WDR20: variants seen among roughly 807,000 people sequenced by gnomAD.
WDR20 encodes WD repeat domain 20, also known as WD repeat-containing protein 20.
In WDR20, 3 loss-of-function variants were observed where a neutral mutation model predicts 38.7. The observed-to-expected ratio is 0.08, with a 90% confidence interval of 0.04 to 0.20. The LOEUF (loss-of-function observed/expected upper bound fraction) is 0.20, where lower values mean the gene tolerates loss of function less well. WDR20 is among the 10% of genes least tolerant of loss of function. The pLI, the probability that WDR20 is intolerant of heterozygous loss-of-function variation, is 1.00. For missense variants in WDR20, 559 were observed against 727.7 expected, an observed-to-expected ratio of 0.77 and a Z score of 2.67; for synonymous variants, 298 against 285.6, an observed-to-expected ratio of 1.04 and a Z score of -0.44.
chr14:102,188,605 C>T (rs2065473034), intron 1 of WDR20, among the ~76,000 whole-genome samples: 1 of 152,036 alleles, frequency 6.6e-6, no homozygotes, highest in Non-Finnish European at 1.5e-5. Flanking sequence ...TGGTGACTTA[C>T]ATCTGTAATC....
chr14:102,200,209 GTC>G (rs900572757), intron 2 of WDR20, among the ~76,000 whole-genome samples: 26 of 152,340 alleles, frequency 1.7e-4, no homozygotes, highest in African/African-American at 6.3e-4. Flanking sequence ...GCTCCCTGGA[GTC>G]TCTGCTTTCC....
chr14:102,212,735 G>A (rs2062716952), downstream of WDR20: 4 of 1,425,286 alleles, frequency 2.8e-6, no homozygotes, highest in Non-Finnish European at 2.8e-6. Flanking sequence ...TGTGTAAGGT[G>A]CAATGCGTGC....
At chr14:102,218,112 A>ATTT (rs2063445869), downstream of WDR20, among the ~76,000 whole-genome samples, 3 of 152,332 alleles carry the variant, frequency 2.0e-5, no homozygotes, top group East Asian at 5.8e-4. Context: ...CGATCTCAGG[A>ATTT]GAGAAGCGCT....
At chr14:102,187,726 C>T (rs2065223336) in intron 1 of WDR20, among the ~76,000 whole-genome samples, 1 of 152,116 alleles carries the variant, frequency 6.6e-6, no homozygotes, top group African/African-American at 2.4e-5. Flanking sequence ...AGGAGACTGG[C>T]ACAGAGCTAG....
chr14:102,186,305 G>A (rs192446150), intron 1 of WDR20, among the ~76,000 whole-genome samples: 67 of 152,342 alleles, frequency 4.4e-4, no homozygotes, highest in African/African-American at 1.4e-3. Context: ...ATTGGCATCT[G>A]TGTGGTGCTG....
intron 2 of WDR20, among the ~76,000 whole-genome samples, chr14:102,206,239 G>A (rs1021764228): frequency 3.9e-5 from 6 of 152,094 alleles, no homozygotes; most frequent in African/African-American, 1.2e-4. Flanking sequence ...CACCCTCCTC[G>A]GCCTCCCAAA....
chr14:102,179,190 T>C (rs1462741577), intron 1 of WDR20, among the ~76,000 whole-genome samples: 4 of 152,088 alleles, frequency 2.6e-5, no homozygotes, highest in African/African-American at 9.7e-5. Flanking sequence ...CAGCAACCTT[T>C]CAGCTTTTTA....
At chr14:102,196,974 C>A (rs533231385) in intron 2 of WDR20, among the ~76,000 whole-genome samples, 6 of 152,246 alleles carry the variant, frequency 3.9e-5, no homozygotes, top group African/African-American at 1.4e-4. Context: ...AGATTTTGGT[C>A]AGAATGTCTA....
At chr14:102,175,159 A>G (rs1338850614) in intron 1 of WDR20, among the ~76,000 whole-genome samples, 1 of 152,176 alleles carries the variant, frequency 6.6e-6, no homozygotes, top group Non-Finnish European at 1.5e-5. Context: ...TTCCGGTATT[A>G]TCTTCTAGAA....
chr14:102,200,225 A>G lies in WDR20; in HGVS notation c.432+5105A>G, dbSNP rs74911824. On this transcript the variant is annotated intron_variant, in intron 2 of 2. Coordinates refer to ENST00000342702, the MANE Select transcript of WDR20 (RefSeq NM_144574.4). Reference sequence around the variant, plus strand: ...CTCCCTGGAGTCTCTGCTTTCCCCAATCTTCCAGAGTAGATTTTGGGTTTC... The same window carrying G: ...CTCCCTGGAGTCTCTGCTTTCCCCAGTCTTCCAGAGTAGATTTTGGGTTTC... Among the ~76,000 whole-genome samples the G allele has an allele frequency of 4.9e-3, 741 of 152,260 alleles. 7 individuals are homozygous for G. Among genetic ancestry groups the G allele is most frequent in the African/African-American group, 0.016 (669 of 41,560 alleles).
intron 1 of WDR20, among the ~76,000 whole-genome samples, chr14:102,181,691 A>G (rs1213100919): frequency 6.6e-6 from 1 of 152,152 alleles, no homozygotes; most frequent in Non-Finnish European, 1.5e-5. Context: ...TTAAGCTAGT[A>G]GTTGCAAAAT....
intron 1 of WDR20, among the ~76,000 whole-genome samples, chr14:102,178,107 T>C (rs1299712531): frequency 6.6e-6 from 1 of 152,134 alleles, no homozygotes; most frequent in Non-Finnish European, 1.5e-5. Context: ...TGAATTGTTA[T>C]GTGGCTAGGT....
chr14:102,223,551 A>C (rs554073350), exon 4 of WDR20: 3 of 152,362 alleles, frequency 2.0e-5, no homozygotes, highest in South Asian at 4.1e-4. Context: ...TCAACTCTGT[A>C]TTATATGTAT....
chr14:102,206,581 T>C (rs1437998890), intron 2 of WDR20, among the ~76,000 whole-genome samples: 1 of 152,178 alleles, frequency 6.6e-6, no homozygotes, highest in Non-Finnish European at 1.5e-5. Context: ...TGGGATTTGA[T>C]TTGGTTCTGG....
rs751104081 is a variant in WDR20, at chr14:102,209,919, T to C, written c.*39T>C. 1.3e-6 allele frequency: 2 copies of C among 1,540,274 alleles called. No individual in the cohort carries two copies. Among genetic ancestry groups the C allele is most frequent in the South Asian group, 1.3e-5 (1 of 79,616 alleles). On this transcript the variant is annotated 3_prime_UTR_variant, in exon 3 of 3. Transcript: ENST00000342702. The surrounding 1 kb of genome is among the most constrained non-coding windows in gnomAD (Gnocchi z 6.0). ...CTAGAACTTGAATAGGTAGTGACTT[T>C]TTTCTTTTTCGTGGGAGGGGTGGGG... is the stretch of plus-strand genomic sequence containing the variant.
Position 102,148,669 on chromosome 14 carries a change from TTGTGTGTGTGTG to T in WDR20, c.249+8525_249+8536del, listed in dbSNP as rs10525828. On this transcript the variant is annotated intron_variant, in intron 1 of 2. Coordinates refer to ENST00000342702, the MANE Select transcript of WDR20 (RefSeq NM_144574.4). ...ACTCCTGTCTTTAAAGAGTTTGGCT[TTGTGTGTGTGTG>T]TGTGTGTGTGTGTGTGTGTGTGTGT... Among the ~76,000 whole-genome samples, 442 of 144,766 alleles carry T rather than the reference TTGTGTGTGTGTG, an allele frequency of 3.1e-3. 3 individuals are homozygous for T. The highest frequency in any genetic ancestry group is 6.7e-3 in the South Asian group (30 of 4,492). 95.0% of individuals were successfully genotyped at this position (144,766 alleles called of 152,430 possible).
chr14:102,185,190 A>T (rs2064330300), intron 1 of WDR20, among the ~76,000 whole-genome samples: 1 of 152,208 alleles, frequency 6.6e-6, no homozygotes, highest in South Asian at 2.1e-4. Context: ...AGAATTTTCA[A>T]AGCCCATATG....
downstream of WDR20, chr14:102,224,479 A>T (rs1405276918): frequency 3.4e-5 from 14 of 411,654 alleles, no homozygotes; most frequent in Non-Finnish European, 5.8e-5. Context: ...TTATTTTTTT[A>T]AAAAATCATA....
At chr14:102,205,496 G>A (rs1192921266) in intron 2 of WDR20, among the ~76,000 whole-genome samples, 1 of 152,122 alleles carries the variant, frequency 6.6e-6, no homozygotes, top group Non-Finnish European at 1.5e-5. Context: ...AATTAATAAT[G>A]TATTACCCAT....
Sources: gnomAD v4.1 joint callset for allele counts (sites outside exome capture counted in the v4.1 genomes callset) on GRCh38, gnomAD v4.1.1 for gene constraint, Gnocchi (gnomAD v3.1) non-coding constraint, MANE v1.5 for transcripts, NCBI Gene and HGNC (gene_info 2026-07-23, HGNC 2026-07-21) for gene names.